Variants in PHF24 observed in about 807,000 individuals in gnomAD.
The protein encoded by PHF24 is PHD finger protein 24, also known as Galpha inhibitory interacting protein.
A neutral mutation model predicts 42.6 loss-of-function variants in PHF24; 25 were observed. That is an observed-to-expected ratio of 0.59 (90% CI 0.43 to 0.82). The LOEUF (loss-of-function observed/expected upper bound fraction) is 0.82. Ranked by LOEUF, PHF24 falls within the 40% of genes least tolerant of loss-of-function variation. The pLI is 0.00. For missense variants in PHF24, 470 were observed against 538.1 expected (o/e 0.87, Z 1.25); for synonymous variants, 185 against 204.8 (o/e 0.90, Z 0.83).
At chr9:34,888,707 G>A in the PHF24 span, among the ~76,000 whole-genome samples, 2 of 152,220 alleles carry the variant, frequency 1.3e-5, no homozygotes, top group Non-Finnish European at 2.9e-5. Flanking sequence ...AGCATATACT[G>A]TATAGAAGTC....
the PHF24 span, among the ~76,000 whole-genome samples, chr9:34,791,972 G>A: frequency 6.6e-6 from 1 of 152,168 alleles, no homozygotes; most frequent in African/African-American, 2.4e-5. Context: ...CACTAAGAGG[G>A]ACTGTAGAAT....
the PHF24 span, chr9:34,835,820 T>C: frequency 2.0e-6 from 3 of 1,475,754 alleles, no homozygotes; most frequent in Non-Finnish European, 1.9e-6. Context: ...GAAAGCTCTC[T>C]GATATTTCTG....
chr9:34,903,821 T>C, the PHF24 span, among the ~76,000 whole-genome samples: 3 of 152,222 alleles, frequency 2.0e-5, no homozygotes, highest in Non-Finnish European at 4.4e-5. Flanking sequence ...ATTGATGTGT[T>C]TCCATTTGTT....
the PHF24 span, among the ~76,000 whole-genome samples, chr9:34,755,418 T>C: frequency 6.6e-6 from 1 of 152,104 alleles, no homozygotes; most frequent in South Asian, 2.1e-4. Flanking sequence ...TTTTTGATAA[T>C]AGGCATTCTA....
the PHF24 span, among the ~76,000 whole-genome samples, chr9:34,750,507 TA>T: frequency 6.8e-6 from 1 of 146,266 alleles, no homozygotes; most frequent in Non-Finnish European, 1.5e-5. Flanking sequence ...AATAAATAAA[TA>T]AATAAATAAA....
In PHF24 at chr9:34,966,589, C is replaced by T. The variant is rs367754337; in HGVS notation, c.-4-4706C>T. On this transcript the variant is annotated intron_variant, in intron 1 of 7. Coordinates refer to ENST00000242315, the Ensembl canonical transcript of PHF24. ...TGGGTAATATGGCGAGACCCCCCCC[C>T]TCGCCCCATCTCAAAATAAATAATT... is the stretch of plus-strand genomic sequence containing the variant. Among the ~76,000 whole-genome samples, 113 of 152,044 alleles carry T rather than the reference C, an allele frequency of 7.4e-4. 3 individuals carry two copies. The South Asian group carries it at 0.02, about 28-fold the overall frequency.
At chr9:34,859,156 C>G in the PHF24 span, among the ~76,000 whole-genome samples, 2 of 152,012 alleles carry the variant, frequency 1.3e-5, no homozygotes, top group South Asian at 4.1e-4. Flanking sequence ...CTGCTTGGGG[C>G]CTTTTACAGT....
At chr9:34,904,945 T>C in the PHF24 span, among the ~76,000 whole-genome samples, 1 of 151,792 alleles carries the variant, frequency 6.6e-6, no homozygotes, top group Non-Finnish European at 1.5e-5. Flanking sequence ...CAGACACTTC[T>C]GAGTAGCCTA....
chr9:34,872,811 A>T, the PHF24 span, among the ~76,000 whole-genome samples: 37 of 139,166 alleles, frequency 2.7e-4, 1 homozygote, highest in East Asian at 7.2e-3. Flanking sequence ...GAACTAGTTT[A>T]CAGTCCCACC....
the PHF24 span, among the ~76,000 whole-genome samples, chr9:34,746,055 A>G: frequency 4.6e-5 from 7 of 152,200 alleles, no homozygotes; most frequent in South Asian, 2.1e-4. Flanking sequence ...AAGGTCAATG[A>G]CAAGGGCTAA....
chr9:34,875,950 A>T, the PHF24 span, among the ~76,000 whole-genome samples: 10,494 of 76,380 alleles, frequency 0.14, 712 homozygotes, highest in African/African-American at 0.16. Flanking sequence ...ACACACACAC[A>T]CTCTCTCTCT....
chr9:34,872,025 C>G, the PHF24 span, among the ~76,000 whole-genome samples: 286 of 152,130 alleles, frequency 1.9e-3, 2 homozygotes, highest in Non-Finnish European at 3.5e-3. Context: ...GAATATCTTT[C>G]CATTTATTTA....
the PHF24 span, among the ~76,000 whole-genome samples, chr9:34,821,325 G>A: frequency 3.3e-5 from 5 of 151,650 alleles, no homozygotes; most frequent in South Asian, 2.1e-4. Flanking sequence ...GGTTTATGAC[G>A]TTTATTTCTA....
At chr9:34,833,344 C>T in the PHF24 span, 2 of 1,550,888 alleles carry the variant, frequency 1.3e-6, no homozygotes, top group East Asian at 4.9e-5. Context: ...GGGCAGAACC[C>T]TGGGGTACTG....
the PHF24 span, among the ~76,000 whole-genome samples, chr9:34,769,549 G>A: frequency 6.6e-6 from 1 of 152,110 alleles, no homozygotes; most frequent in Admixed American, 6.5e-5. Context: ...TCTGGTTAGG[G>A]GGCCCAATTA....
At chr9:34,941,284 C>T in the PHF24 span, among the ~76,000 whole-genome samples, 10 of 152,162 alleles carry the variant, frequency 6.6e-5, no homozygotes, top group African/African-American at 2.4e-4. Flanking sequence ...CTAGCATTTT[C>T]TGAGACCATC....
the PHF24 span, among the ~76,000 whole-genome samples, chr9:34,849,512 G>T: frequency 6.6e-6 from 1 of 151,824 alleles, no homozygotes; most frequent in Non-Finnish European, 1.5e-5. Context: ...CGTGAGATGG[G>T]TTTCCTGAAT....
At chr9:34,973,516 A>G (rs1230194434) in intron 3 of PHF24, among the ~76,000 whole-genome samples, 1 of 152,208 alleles carries the variant, frequency 6.6e-6, no homozygotes, top group Non-Finnish European at 1.5e-5. Context: ...ACCTGAATAG[A>G]GTTCAAGTCT....
the PHF24 span, among the ~76,000 whole-genome samples, chr9:34,944,433 C>G: frequency 6.6e-6 from 1 of 152,156 alleles, no homozygotes; most frequent in Non-Finnish European, 1.5e-5. Context: ...GTATTTAACC[C>G]TAAGTTTTTG....
Sources: allele counts gnomAD v4.1 joint callset (sites outside exome capture counted in the v4.1 genomes callset), GRCh38; gene constraint gnomAD v4.1.1; transcripts MANE v1.5; gene names NCBI Gene and HGNC (gene_info 2026-07-23, HGNC 2026-07-21).